Variants in AMPH observed in about 807,000 individuals in gnomAD.
AMPH encodes the protein amphiphysin, also known as amphiphysin (Stiff-Mann syndrome with breast cancer 128kD autoantigen).
AMPH carries 49 observed loss-of-function variants against 99.1 expected under a neutral mutation model. The ratio of observed to expected loss-of-function variants is 0.49; its 90% confidence interval spans 0.39 to 0.63. The LOEUF (loss-of-function observed/expected upper bound fraction) is 0.63. AMPH is among the 20% of genes least tolerant of loss of function. AMPH has a pLI of 0.00. For synonymous variants in AMPH, 314 were observed against 317.3 expected, an observed-to-expected ratio of 0.99 and a Z score of 0.11; for missense variants, 759 against 863.4, an observed-to-expected ratio of 0.88 and a Z score of 1.52.
At chr7:38,473,793 TAAA>T (rs899633843) in intron 7 of AMPH, among the ~76,000 whole-genome samples, 12 of 148,258 alleles carry the variant, frequency 8.1e-5, no homozygotes, top group African/African-American at 3.0e-4. Flanking sequence ...CTGTATTTTT[TAAA>T]AAAAAGCCAT....
intron 1 of AMPH, among the ~76,000 whole-genome samples, chr7:38,540,525 C>A (rs1307198220): frequency 6.6e-6 from 1 of 151,496 alleles, no homozygotes; most frequent in Non-Finnish European, 1.5e-5. Context: ...CTTCTCTTAC[C>A]ATTTTAAGTT....
In AMPH at chr7:38,430,489, G is replaced by A. The variant is rs190937884; in HGVS notation, c.1159-624C>T. Reference sequence around the variant, plus strand: ...AGCTGTTGTTTTGCATTTTGATATCGCTACCATTCCTAGCAAGTTTGTCCT... The same window carrying A: ...AGCTGTTGTTTTGCATTTTGATATCACTACCATTCCTAGCAAGTTTGTCCT... On this transcript the variant is annotated intron_variant, in intron 13 of 20. Coordinates refer to ENST00000356264, the MANE Select transcript of AMPH (RefSeq NM_001635.4). Among the ~76,000 whole-genome samples the A allele has an allele frequency of 2.2e-4, 33 of 152,212 alleles. No homozygotes were observed. The East Asian group carries it at 5.8e-3, about 27-fold the overall frequency.
chr7:38,525,445 C>CGTGTGT (rs146505083), intron 2 of AMPH, among the ~76,000 whole-genome samples: 2,476 of 125,462 alleles, frequency 0.02, 34 homozygotes, highest in South Asian at 0.031. Context: ...CTCATTTGTG[C>CGTGTGT]GTGTGTGTGT....
chr7:38,388,871 T>C (rs1433055236), intron 20 of AMPH, among the ~76,000 whole-genome samples: 3 of 152,222 alleles, frequency 2.0e-5, no homozygotes. Flanking sequence ...CTGGAACTCC[T>C]GGCCTCAAGT....
Position 38,384,365 on chromosome 7 carries a change from T to G in AMPH, c.*453A>C. 6.2e-6 allele frequency: 1 copy of G among 160,020 alleles called. No homozygotes were observed. Among genetic ancestry groups the G allele is most frequent in the African/African-American group, 2.4e-5 (1 of 41,694 alleles). The allele number at this position is 160,020 out of a possible 1,614,324, so 9.9% of individuals were successfully genotyped here. ...TTGAGAACTTTTGCAGCAGTTTAGT[T>G]TTAAACATAGTAAACCTGAAAGGGA... On this transcript the variant is annotated 3_prime_UTR_variant, in exon 21 of 21. Coordinates refer to ENST00000356264, the MANE Select transcript of AMPH (RefSeq NM_001635.4).
chr7:38,516,438 T>A (rs1210239682), intron 2 of AMPH, among the ~76,000 whole-genome samples: 2 of 152,182 alleles, frequency 1.3e-5, no homozygotes, highest in Non-Finnish European at 2.9e-5. Context: ...GCTTGATGAC[T>A]TCCATACAGT....
At chr7:38,554,319 A>G (rs1044764190) in intron 1 of AMPH, among the ~76,000 whole-genome samples, 33 of 152,246 alleles carry the variant, frequency 2.2e-4, no homozygotes, top group African/African-American at 8.0e-4. Flanking sequence ...TGTATGTCTC[A>G]GAAGAATTCA....
intron 11 of AMPH, among the ~76,000 whole-genome samples, chr7:38,447,751 AAC>A (rs34380529): frequency 0.25 from 34,782 of 139,628 alleles, 4,478 homozygotes; most frequent in East Asian, 0.47. Flanking sequence ...CAGACAGATA[AAC>A]ACACACACAC....
intron 11 of AMPH, among the ~76,000 whole-genome samples, chr7:38,456,236 C>A (rs537947791): frequency 6.6e-6 from 1 of 152,192 alleles, no homozygotes; most frequent in Non-Finnish European, 1.5e-5. Flanking sequence ...AAGGAAACTA[C>A]GTGTCCCACA....
chr7:38,607,694 G>T (rs987788325), intron 1 of AMPH, among the ~76,000 whole-genome samples: 1 of 152,192 alleles, frequency 6.6e-6, no homozygotes, highest in African/African-American at 2.4e-5. Flanking sequence ...ACAATAAAAT[G>T]AAAGTGCAGG....
intron 14 of AMPH, chr7:38,429,478 C>T (rs1785918925): frequency 7.6e-7 from 1 of 1,317,104 alleles, no homozygotes; most frequent in South Asian, 1.2e-5. Context: ...GTAAATGCAC[C>T]TATATCATTT....
intron 11 of AMPH, among the ~76,000 whole-genome samples, chr7:38,447,565 T>C (rs1786837005): frequency 6.6e-6 from 1 of 152,100 alleles, no homozygotes. Context: ...TGTAGGTAGT[T>C]TGCAAGTATT....
At chr7:38,570,330 T>C (rs1290918413) in intron 1 of AMPH, among the ~76,000 whole-genome samples, 1 of 152,184 alleles carries the variant, frequency 6.6e-6, no homozygotes, top group Non-Finnish European at 1.5e-5. Context: ...CCTCCTGGAT[T>C]AGTGAGTTCT....
At chr7:38,474,793 G>A (rs1238416797) in intron 7 of AMPH, among the ~76,000 whole-genome samples, 1 of 152,166 alleles carries the variant, frequency 6.6e-6, no homozygotes, top group Non-Finnish European at 1.5e-5. Flanking sequence ...CACGAGAAAT[G>A]CAGAGTAACG....
chr7:38,585,719 T>C (rs1792621039), intron 1 of AMPH, among the ~76,000 whole-genome samples: 1 of 152,258 alleles, frequency 6.6e-6, no homozygotes, highest in Non-Finnish European at 1.5e-5. Context: ...TGTCTACTCT[T>C]AATAGGCTAT....
chr7:38,520,522 G>T (rs919773839), intron 2 of AMPH, among the ~76,000 whole-genome samples: 14 of 152,318 alleles, frequency 9.2e-5, no homozygotes, highest in Non-Finnish European at 1.8e-4. Context: ...TTGAAGGTTT[G>T]TAAAAATGAC....
At chr7:38,618,771 A>G (rs577940465) in intron 1 of AMPH, among the ~76,000 whole-genome samples, 1 of 152,350 alleles carries the variant, frequency 6.6e-6, no homozygotes, top group Admixed American at 6.5e-5. Flanking sequence ...ACAACAAGGG[A>G]ATTAAAAGAC....
intron 17 of AMPH, among the ~76,000 whole-genome samples, chr7:38,405,278 T>C (rs1294106653): frequency 1.3e-5 from 2 of 152,120 alleles, no homozygotes; most frequent in African/African-American, 2.4e-5. Context: ...AGTTCACACA[T>C]CCTATAAAGC....
At chr7:38,527,642 T>C (rs1175898232) in intron 2 of AMPH, among the ~76,000 whole-genome samples, 1 of 152,228 alleles carries the variant, frequency 6.6e-6, no homozygotes, top group Admixed American at 6.5e-5. Context: ...AGTATTTTCG[T>C]TGACGTCTTG....
Sources: gnomAD v4.1 joint callset for allele counts (sites outside exome capture counted in the v4.1 genomes callset) on GRCh38, gnomAD v4.1.1 for gene constraint, MANE v1.5 for transcripts, NCBI Gene and HGNC (gene_info 2026-07-23, HGNC 2026-07-21) for gene names.